RDX: variants seen among roughly 807,000 people sequenced by gnomAD.
RDX encodes deafness, autosomal recessive 24.
RDX carries 32 observed loss-of-function variants against 83.7 expected under a neutral mutation model. The observed-to-expected ratio is 0.38, with a 90% confidence interval of 0.29 to 0.51. The LOEUF (loss-of-function observed/expected upper bound fraction) is 0.51. Among genes scored for constraint, RDX ranks in the 20% least tolerant of loss-of-function variants. The pLI, the probability that RDX is intolerant of heterozygous loss-of-function variation, is 0.87. For synonymous variants in RDX, 229 were observed against 222.7 expected (o/e 1.03, Z -0.25); for missense variants, 600 against 689.9 (o/e 0.87, Z 1.46).
At chr11:110,295,238 T>C (rs1245486653) in intron 1 of RDX, among the ~76,000 whole-genome samples, 1 of 150,064 alleles carries the variant, frequency 6.7e-6, no homozygotes, top group Non-Finnish European at 1.5e-5. Context: ...CCATTATTTA[T>C]CCAGCAACAT....
chr11:110,263,027 C>A (rs904343105), intron 5 of RDX, among the ~76,000 whole-genome samples: 1 of 152,144 alleles, frequency 6.6e-6, no homozygotes, highest in Admixed American at 6.5e-5. Flanking sequence ...GTAATCCCAG[C>A]ACTTTGGGAG....
At chr11:110,290,048 T>G (rs1446935250) in intron 1 of RDX, among the ~76,000 whole-genome samples, 1 of 149,380 alleles carries the variant, frequency 6.7e-6, no homozygotes, top group East Asian at 2.0e-4. Flanking sequence ...TTTTTTGTTA[T>G]AAACAAAAAT....
Position 110,236,080 on chromosome 11 carries a change from T to C in RDX, c.1344+19A>G, listed in dbSNP as rs771954338. 1.3e-6 allele frequency: 2 copies of C among 1,550,498 alleles called. No homozygotes were observed. Among genetic ancestry groups the C allele is most frequent in the Admixed American group, 3.3e-5 (2 of 59,952 alleles). ...ATAAAAGCTATTCAATAAAAGCTAG[T>C]AAATGAATAAATGATTACTTTGTGT... On this transcript the variant is annotated intron_variant, in intron 12 of 13. Transcript: ENST00000645495.
chr11:110,217,564 C>T (rs1225666026), intron 14 of RDX, among the ~76,000 whole-genome samples: 4 of 152,164 alleles, frequency 2.6e-5, no homozygotes, highest in Admixed American at 6.5e-5. Flanking sequence ...CTTTCCTAAC[C>T]GACAGCCCAA....
At chr11:110,218,898 T>C (rs549887558) in intron 14 of RDX, among the ~76,000 whole-genome samples, 28 of 152,276 alleles carry the variant, frequency 1.8e-4, no homozygotes, top group Non-Finnish European at 3.7e-4. Context: ...GTTTATTAAA[T>C]AGGAGCATCT....
In RDX at chr11:110,241,034, C is replaced by T. The variant is rs562236990; in HGVS notation, c.1091-3382G>A. Reference sequence around the variant, plus strand: ...TCACACCACTGCACTCCAGCCTGGGCGACAGAGTGAGACTCTGTCTCCAAA... The same window carrying T: ...TCACACCACTGCACTCCAGCCTGGGTGACAGAGTGAGACTCTGTCTCCAAA... On this transcript the variant is annotated intron_variant, in intron 10 of 13. Coordinates refer to ENST00000645495, the MANE Select transcript of RDX (RefSeq NM_002906.4). 7.1e-4 allele frequency among the ~76,000 whole-genome samples: 74 copies of T among 103,768 alleles called. No homozygotes were observed. In the South Asian group the frequency reaches 0.022, roughly 31 times the overall value. The allele number at this position is 103,768 out of a possible 152,430, so 68.1% of individuals were successfully genotyped here.
chr11:110,193,775 C>T (rs1366906108), intron 15 of RDX, among the ~76,000 whole-genome samples: 2 of 152,124 alleles, frequency 1.3e-5, no homozygotes, highest in Non-Finnish European at 2.9e-5. Context: ...GTGGCAGAGC[C>T]GCAGCAAATG....
At chr11:110,278,303 C>G (rs1231443957) in intron 2 of RDX, among the ~76,000 whole-genome samples, 1 of 151,872 alleles carries the variant, frequency 6.6e-6, no homozygotes, top group African/African-American at 2.4e-5. Context: ...TTAGAATCAG[C>G]TAGTCAATTT....
At chr11:110,201,758 T>C (rs1271101325) in intron 14 of RDX, among the ~76,000 whole-genome samples, 1 of 152,100 alleles carries the variant, frequency 6.6e-6, no homozygotes, top group South Asian at 2.1e-4. Context: ...TTTTTTAAGA[T>C]GTTGTCTCCC....
chr11:110,231,653 C>T lies in RDX; in HGVS notation c.*216G>A. The T allele has an allele frequency of 1.7e-6, 1 of 585,538 alleles. No individual in the cohort carries two copies. The highest frequency in any genetic ancestry group is 3.0e-6 in the Non-Finnish European group (1 of 328,746). The allele number at this position is 585,538 out of a possible 1,614,324, so 36.3% of individuals were successfully genotyped here. On this transcript the variant is annotated 3_prime_UTR_variant, in exon 14 of 14. Coordinates refer to ENST00000645495, the MANE Select transcript of RDX (RefSeq NM_002906.4). ...TGAAAAGAGGCAATGGAACACCATT[C>T]TCCATTCCCTGGACCAAAAGAAAAA...
At chr11:110,215,011 TAAAA>T (rs967407530) in intron 14 of RDX, among the ~76,000 whole-genome samples, 24 of 99,708 alleles carry the variant, frequency 2.4e-4, no homozygotes, top group African/African-American at 8.8e-4. Context: ...ATGAAAAAAA[TAAAA>T]AAAACATTTA....
intron 1 of RDX, among the ~76,000 whole-genome samples, chr11:110,288,900 G>A (rs1861097488): frequency 6.6e-6 from 1 of 152,024 alleles, no homozygotes; most frequent in African/African-American, 2.4e-5. Context: ...AAACTAATAA[G>A]CATCACTAAG....
downstream of RDX, among the ~76,000 whole-genome samples, chr11:110,226,967 C>T (rs371824841): frequency 3.3e-5 from 5 of 152,070 alleles, no homozygotes; most frequent in South Asian, 2.1e-4. Context: ...AAGTTTCCTT[C>T]ATCTCAAAAC....
intron 15 of RDX, among the ~76,000 whole-genome samples, chr11:110,180,939 C>A (rs1862875087): frequency 6.6e-6 from 1 of 152,138 alleles, no homozygotes; most frequent in South Asian, 2.1e-4. Flanking sequence ...CTGTGTGGCT[C>A]CTTTATCGCT....
At position 110,237,494 on chromosome 11, in the gene RDX, G is replaced by C. The variant is rs779676296; in HGVS notation, c.1249C>G (p.Leu417Val). The change falls in exon 11 of 14, where the codon CTA becomes GTA. Residue 417 changes from leucine (L) to valine (V), a missense_variant and splice_region_variant. Leu to Val is a conservative substitution (Grantham distance 32). Coordinates refer to ENST00000645495, the MANE Select transcript of RDX (RefSeq NM_002906.4). ...TCTCTAAGAAGACAGTTCCTTACTA[G>C]CTGCTCCTGATTCTTCATCTGGTCG... ...AADQMKNQEQLAAELAEFTAK... is the reference protein window; with the variant it reads ...AADQMKNQEQVAAELAEFTAK... 1.4e-5 allele frequency: 23 copies of C among 1,611,974 alleles called. No homozygotes were observed. In the Admixed American group the frequency reaches 1.8e-4, roughly 13 times the overall value.
At chr11:110,204,127 A>T (rs1198906207) in intron 14 of RDX, among the ~76,000 whole-genome samples, 1 of 152,182 alleles carries the variant, frequency 6.6e-6, no homozygotes, top group Non-Finnish European at 1.5e-5. Flanking sequence ...ACAGAATAAA[A>T]GTTTTATGGA....
intron 14 of RDX, among the ~76,000 whole-genome samples, chr11:110,215,049 A>AAAAT (rs1355797892): frequency 2.1e-5 from 2 of 97,232 alleles, no homozygotes; most frequent in Admixed American, 1.1e-4. Flanking sequence ...AAAAAAAAAA[A>AAAAT]ATATATATAT....
At chr11:110,221,621 C>CAT (rs1864251638) in intron 14 of RDX, among the ~76,000 whole-genome samples, 1 of 151,402 alleles carries the variant, frequency 6.6e-6, no homozygotes, top group Non-Finnish European at 1.5e-5. Flanking sequence ...CACACACACA[C>CAT]ACACACACAC....
chr11:110,222,561 C>A (rs1009568228), intron 14 of RDX, among the ~76,000 whole-genome samples: 1 of 152,130 alleles, frequency 6.6e-6, no homozygotes, highest in Non-Finnish European at 1.5e-5. Flanking sequence ...CTTTGGGAGG[C>A]CAAGGCAGGT....
Sources: allele counts gnomAD v4.1 joint callset (sites outside exome capture counted in the v4.1 genomes callset), GRCh38; gene constraint gnomAD v4.1.1; transcripts MANE v1.5; gene names NCBI Gene and HGNC (gene_info 2026-07-23, HGNC 2026-07-21).